Variants in TTN observed in about 807,000 individuals in gnomAD.
The protein encoded by TTN is titin, also known as connectin.
A neutral mutation model predicts 3,223.0 loss-of-function variants in TTN; 1,525 were observed. The ratio of observed to expected loss-of-function variants is 0.47; its 90% CI spans 0.45 to 0.49. The LOEUF (loss-of-function observed/expected upper bound fraction) is 0.49, where lower values mean the gene tolerates loss of function less well. TTN is among the 20% of genes least tolerant of loss of function. The probability of loss-of-function intolerance (pLI) is 0.00; values close to 1 mark genes in which losing one functional copy is unlikely to be tolerated. For synonymous variants in TTN, 14,094 were observed against 15,161.0 expected (o/e 0.93, Z 5.17); for missense variants, 40,786 against 43,424.0 (o/e 0.94, Z 5.40).
rs72648259 is a variant in TTN, at chr2:178,545,966, A to G, written c.95270T>C (p.Ile31757Thr). The G allele has an allele frequency of 5.4e-4, 868 of 1,613,846 alleles. No homozygotes were observed. The highest frequency in any genetic ancestry group is 6.2e-4 in the Non-Finnish European group (730 of 1,179,804). Residue 31757 changes from isoleucine (I) to threonine (T), a missense_variant, in exon 343 of 363, where the codon ATT (isoleucine) becomes ACT (threonine). Physicochemically the swap from Ile to Thr is moderately conservative, Grantham distance 89. Coordinates refer to ENST00000589042, the MANE Select transcript of TTN (RefSeq NM_001267550.2). Reference protein sequence around the residue: ...RRETSRLNWVIVEGECPTLSY... With the variant: ...RRETSRLNWVTVEGECPTLSY... ...TAGGGTTGGGCATTCGCCTTCAACA[A>G]TCACCCAGTTGAGCCTGCTAGTCTC...
intron 159 of TTN, 57 bp downstream of exon 159, chr2:178,669,315 TA>T: frequency 7.4e-7 from 1 of 1,357,634 alleles, no homozygotes; most frequent in South Asian, 1.3e-5. Context: ...AAGACAAACA[TA>T]GTGAATTTAA....
chr2:178,629,363 A>G lies in TTN; in HGVS notation c.44362T>C (p.Ser14788Pro), dbSNP rs761110890. The stretch of plus-strand genomic sequence containing the variant: ...CATTCCACTGGGATATCTTCGTAGG[A>G]GAGCTCGCAGTCGAAGGTGGCTGTT... ...GETATFDCEL[S>P]YEDIPVEWYL... The change falls in exon 240 of 363, where the codon TCC (serine) becomes CCC (proline). Residue 14788 changes from serine to proline, a missense_variant. Coordinates refer to ENST00000589042, the MANE Select transcript of TTN (RefSeq NM_001267550.2). The G allele has an allele frequency of 6.2e-7, 1 of 1,612,964 alleles. No homozygotes were observed. The highest frequency in any genetic ancestry group is 8.5e-7 in the Non-Finnish European group (1 of 1,179,330).
intron 99 of TTN, among the ~76,000 whole-genome samples, chr2:178,708,273 C>T (rs992505853): frequency 6.6e-6 from 1 of 152,168 alleles, no homozygotes; most frequent in Admixed American, 6.5e-5. Flanking sequence ...CATGAGCCCA[C>T]ATATTTATAT....
chr2:178,706,856 A>G lies in TTN; in HGVS notation c.29134+6T>C, dbSNP rs774090880. On this transcript the variant is annotated splice_donor_region_variant and intron_variant, in intron 101 of 362. Coordinates refer to ENST00000589042, the MANE Select transcript of TTN (RefSeq NM_001267550.2). Reference sequence around the variant, plus strand: ...TGAAGATGTACTTCTCATGAAGTGCACTTACTTTCTACGACTCTGATACTC... The same window carrying G: ...TGAAGATGTACTTCTCATGAAGTGCGCTTACTTTCTACGACTCTGATACTC... 7.4e-6 allele frequency: 12 copies of G among 1,611,732 alleles called. 1 individual carries two copies. In the East Asian group the frequency reaches 1.6e-4, roughly 21 times the overall value.
chr2:178,757,227 A>ATACTGTACTTGCTTTCAGTACAGTAAG (rs1553968975), intron 45 of TTN, among the ~76,000 whole-genome samples: 1 of 150,194 alleles, frequency 6.7e-6, no homozygotes. Context: ...ACAGTAAGTA[A>ATACTGTACTTGCTTTCAGTACAGTAAG]TAATCAGCAA....
chr2:178,582,350 A>G lies in TTN; in HGVS notation c.66106T>C (p.Tyr22036His). Residue 22036 changes from tyrosine (Y) to histidine (H), a missense_variant, in exon 314 of 363, where the codon TAT becomes CAT. Transcript: ENST00000589042. Reference sequence around the variant, plus strand: ...GTGAAGACTGGATCGCCTACTCCATATTTATTTTCAGCACAAATACGGAAC... The same window carrying G: ...GTGAAGACTGGATCGCCTACTCCATGTTTATTTTCAGCACAAATACGGAAC... ...YQFRICAENK[Y>H]GVGDPVFTEP... is the part of the protein sequence containing the mutation. 6.2e-7 allele frequency: 1 copy of G among 1,609,412 alleles called. No homozygotes were observed. Among genetic ancestry groups the G allele is most frequent in the African/African-American group, 1.3e-5 (1 of 74,820 alleles).
rs1704092253 is a variant in TTN at position 178,562,570 on chromosome 2, T to A, written c.83562A>T (p.Thr27854=). 1.2e-6 allele frequency: 2 copies of A among 1,611,002 alleles called. No individual in the cohort carries two copies. The highest frequency in any genetic ancestry group is 2.7e-5 in the African/African-American group (2 of 74,774). Residue 27854 remains threonine, a synonymous_variant, in exon 326 of 363, where the codon ACA becomes ACT. Transcript: ENST00000589042. ...GTTCAGACACTTTAACGGGTTCTGT[T>A]GTTTCAGCTGGCAAACCAATCCCAT... is the stretch of plus-strand genomic sequence containing the variant. ...NEYGIGLPAE[T]TEPVKVSEPP...
At chr2:178,659,532 TG>T in intron 180 of TTN, among the ~76,000 whole-genome samples, 1 of 150,336 alleles carries the variant, frequency 6.7e-6, no homozygotes, top group East Asian at 2.0e-4. Flanking sequence ...TAGGTATTGA[TG>T]GGACGTATCT....
chr2:178,551,685 A>G lies in TTN; in HGVS notation c.91215T>C (p.Ala30405=). 1 of 1,611,868 alleles carries G rather than the reference A, an allele frequency of 6.2e-7. No individual in the cohort carries two copies. Among genetic ancestry groups the G allele is most frequent in the Non-Finnish European group, 8.5e-7 (1 of 1,178,456 alleles). The change falls in exon 335 of 363, where the codon GCT becomes GCC. Residue 30405 remains alanine (A), a synonymous_variant. Transcript: ENST00000589042. The stretch of plus-strand genomic sequence containing the variant: ...TTGGGTCACTAGGTGAGCTTAGGCC[A>G]GCAGAATTTTCAGCATATACACGGA... ...YQFRVYAENS[A]GLSSPSDPSK...
chr2:178,685,237 T>C lies in TTN; in HGVS notation c.32470+16A>G. On this transcript the variant is annotated intron_variant, in intron 129 of 362. Coordinates refer to ENST00000589042, the MANE Select transcript of TTN (RefSeq NM_001267550.2). ...TTAAAATAAATAGTGTTGCATTTCT[T>C]TGAAAGAAATCATACCTTTAGCCGG... is the stretch of plus-strand genomic sequence containing the variant. The C allele has an allele frequency of 6.6e-7, 1 of 1,525,806 alleles. No individual in the cohort carries two copies. Among genetic ancestry groups the C allele is most frequent in the Non-Finnish European group, 8.8e-7 (1 of 1,137,594 alleles). The allele number at this position is 1,525,806 out of a possible 1,614,324, so 94.5% of individuals were successfully genotyped here. A position where few individuals can be genotyped will look rare whatever the true frequency, so the allele number is the denominator to read the frequency against.
chr2:178,782,687 T>TC (rs2092885764), intron 18 of TTN, 85 bp from the exon 19 acceptor site: 4 of 1,602,434 alleles, frequency 2.5e-6, no homozygotes, highest in Non-Finnish European at 1.7e-6. Context: ...CCATATAATC[T>TC]CCCCCCAAGT....
chr2:178,773,603 T>C lies in TTN; in HGVS notation c.7453A>G (p.Ile2485Val). 2.5e-6 allele frequency: 4 copies of C among 1,614,062 alleles called. No individual in the cohort carries two copies. The highest frequency in any genetic ancestry group is 3.4e-6 in the Non-Finnish European group (4 of 1,179,974). The change falls in exon 32 of 363, where the codon ATC becomes GTC. Residue 2485 changes from isoleucine (I) to valine (V), a missense_variant. Transcript: ENST00000589042. Reference protein sequence around the residue: ...SVKWYLNDEQIKPDDRVQAIV... With the variant: ...SVKWYLNDEQVKPDDRVQAIV... ...GCCTGTACACGGTCATCAGGCTTGA[T>C]TTGTTCATCATTTAAGTACCACTTA...
rs778112130 is a variant in TTN at position 178,613,023 on chromosome 2, T to C, written c.49698A>G (p.Thr16566=). The C allele has an allele frequency of 7.4e-6, 12 of 1,612,836 alleles. No individual in the cohort carries two copies. The highest frequency in any genetic ancestry group is 1.7e-5 in the Admixed American group (1 of 59,924). Residue 16566 remains threonine, a synonymous_variant, in exon 265 of 363, where the codon ACA becomes ACG. Transcript: ENST00000589042. ...GKPTVKDVGK[T]SVRLNWTKPE... ...GTTTTGTCCAATTCAACCTTACTGA[T>C]GTTTTGCCTACATCTTTTACAGTTG...
Position 178,665,780 on chromosome 2 carries a change from G to A in TTN, c.35887C>T (p.Pro11963Ser). ...TCCTTTACAGGGACAATTTCTCGAGGTGATTCAGGCACTTTAAAGATATGA... is the reference window on the plus strand; with the variant it reads ...TCCTTTACAGGGACAATTTCTCGAGATGATTCAGGCACTTTAAAGATATGA... ...KTPSPTVPES[P>S]REIVPVKETP... The change falls in exon 164 of 363, where the codon CCT becomes TCT. Residue 11963 changes from proline (P) to serine (S), a missense_variant. Physicochemically the swap from Pro to Ser is moderately conservative, Grantham distance 74. Transcript: ENST00000589042. The A allele has an allele frequency of 7.7e-7, 1 of 1,294,438 alleles. No homozygotes were observed. Among genetic ancestry groups the A allele is most frequent in the Non-Finnish European group, 9.7e-7 (1 of 1,026,082 alleles). 80.2% of individuals were successfully genotyped at this position (1,294,438 alleles called of 1,614,324 possible). A position where few individuals can be genotyped will look rare whatever the true frequency, so the allele number is the denominator to read the frequency against.
intron 43 of TTN, among the ~76,000 whole-genome samples, chr2:178,761,928 A>C (rs982009433): frequency 6.6e-6 from 1 of 152,206 alleles, no homozygotes; most frequent in Non-Finnish European, 1.5e-5. Context: ...CAGCAAAAAA[A>C]TAGCTTTTTT....
rs367560855 is a variant in TTN at position 178,624,468 on chromosome 2, C to G, written c.44812G>C (p.Val14938Leu). 6 of 1,612,034 alleles carry G rather than the reference C, an allele frequency of 3.7e-6. No individual in the cohort carries two copies. The highest frequency in any genetic ancestry group is 5.1e-6 in the Non-Finnish European group (6 of 1,178,844). Reference protein sequence around the residue: ...DFKTSCNLNVVPPHVEFLRPL... With the variant: ...DFKTSCNLNVLPPHVEFLRPL... ...CCTTTGTAAGAAGAATACTTACGCA[C>G]GACATTCAGGTTACAGGAAGTCTTA... The change falls in exon 242 of 363, where the codon GTG becomes CTG. Residue 14938 changes from valine (V) to leucine (L), a missense_variant. Physicochemically the swap from Val to Leu is conservative, Grantham distance 32 (BLOSUM62 1). Transcript: ENST00000589042.
chr2:178,532,256 T>C lies in TTN; in HGVS notation c.104359A>G (p.Lys34787Glu), dbSNP rs769788281. The C allele has an allele frequency of 3.0e-5, 48 of 1,613,752 alleles. No individual in the cohort carries two copies. The highest frequency in any genetic ancestry group is 1.5e-4 in the Admixed American group (9 of 60,000). ...VTTTQHLSEY[K>E]SELDFMSKEE... is the part of the protein sequence containing the mutation. ...TTTGACATGAAGTCAAGTTCGCTTT[T>C]GTATTCTGAGAGATGCTGGGTGGTC... Residue 34787 changes from lysine to glutamate, a missense_variant, in exon 358 of 363, where the codon AAA (lysine) becomes GAA (glutamate). Lys to Glu is a moderately conservative substitution (Grantham distance 56). Coordinates refer to ENST00000589042, the MANE Select transcript of TTN (RefSeq NM_001267550.2).
chr2:178,593,600 A>G lies in TTN; in HGVS notation c.58700T>C (p.Val19567Ala), dbSNP rs763514219. The G allele has an allele frequency of 9.3e-6, 15 of 1,612,718 alleles. 1 individual carries two copies. The highest frequency in any genetic ancestry group is 3.3e-4 in the Middle Eastern group (2 of 6,050). ...ATCTTTGGCTTTCATTGAATCAGAC[A>G]CCAGAGGATCACTTATTCCATACAG... ...ENLYGISDPL[V>A]SDSMKAKDRF... The change falls in exon 298 of 363, where the codon GTG becomes GCG. Residue 19567 changes from valine to alanine, a missense_variant. Physicochemically the swap from Val to Ala is moderately conservative, Grantham distance 64. Transcript: ENST00000589042.
Position 178,773,304 on chromosome 2 carries a change from C to T in TTN, c.7660G>A (p.Val2554Ile). 1 of 1,613,906 alleles carries T rather than the reference C, an allele frequency of 6.2e-7. No individual in the cohort carries two copies. The highest frequency in any genetic ancestry group is 1.7e-5 in the Admixed American group (1 of 59,992). ...TCAATTCCAGAGTGGGACAGCTCAA[C>T]CTCAAACACCACATTTTGAGTTTCT... Reference protein sequence around the residue: ...CTETQNVVFEVELSHSGIDVL... With the variant: ...CTETQNVVFEIELSHSGIDVL... Residue 2554 changes from valine to isoleucine, a missense_variant, in exon 33 of 363, where the codon GTT (valine) becomes ATT (isoleucine). Physicochemically the swap from Val to Ile is conservative, Grantham distance 29 (BLOSUM62 3). Transcript: ENST00000589042.
Sources: gnomAD v4.1 joint callset for allele counts (sites outside exome capture counted in the v4.1 genomes callset) on GRCh38, gnomAD v4.1.1 for gene constraint, MANE v1.5 for transcripts, NCBI Gene and HGNC (gene_info 2026-07-23, HGNC 2026-07-21) for gene names.